Variants in COL24A1 observed in about 807,000 individuals in gnomAD.
COL24A1 encodes collagen type XXIV alpha 1 chain.
A neutral mutation model predicts 253.9 loss-of-function variants in COL24A1; 224 were observed. That is an observed-to-expected ratio of 0.88 (90% CI 0.79 to 0.99). The LOEUF (loss-of-function observed/expected upper bound fraction) is 0.99. Among genes scored for constraint, COL24A1 ranks in the 50% least tolerant of loss-of-function variants. COL24A1 has a pLI of 0.00. For missense variants in COL24A1, 2,131 were observed against 2,068.5 expected (o/e 1.03, Z -0.59); for synonymous variants, 685 against 673.7 (o/e 1.02, Z -0.26).
At chr1:86,019,207 G>T (rs1571619837) in intron 18 of COL24A1, among the ~76,000 whole-genome samples, 1 of 152,064 alleles carries the variant, frequency 6.6e-6, no homozygotes, top group African/African-American at 2.4e-5. Context: ...TCAAACAAGT[G>T]TCTCCTTCTA....
At chr1:85,912,860 A>C (rs1278518529) in intron 24 of COL24A1, among the ~76,000 whole-genome samples, 1 of 152,248 alleles carries the variant, frequency 6.6e-6, no homozygotes, top group Non-Finnish European at 1.5e-5. Context: ...AGAATGTAAA[A>C]TAGCTAACTA....
chr1:85,865,642 T>G (rs1570977360), intron 37 of COL24A1, among the ~76,000 whole-genome samples: 1 of 152,338 alleles, frequency 6.6e-6, no homozygotes, highest in Admixed American at 6.5e-5. Context: ...AGACTTTCCC[T>G]TTTCTTAATT....
At chr1:85,946,804 T>G (rs1689363870) in intron 24 of COL24A1, among the ~76,000 whole-genome samples, 1 of 152,248 alleles carries the variant, frequency 6.6e-6, no homozygotes, top group Admixed American at 6.5e-5. Flanking sequence ...GCACCTCATT[T>G]TTATATGGCA....
intron 7 of COL24A1, among the ~76,000 whole-genome samples, chr1:86,077,110 A>T (rs1389704364): frequency 6.6e-6 from 1 of 152,246 alleles, no homozygotes; most frequent in Non-Finnish European, 1.5e-5. Context: ...AAGGGCTAAT[A>T]TCCAGAATCT....
At chr1:86,030,267 G>A (rs1405069686) in intron 14 of COL24A1, 1 of 152,348 alleles carries the variant, frequency 6.6e-6, no homozygotes, top group South Asian at 2.1e-4. Context: ...CCACTCTGAG[G>A]CTTTGTAACA....
intron 24 of COL24A1, among the ~76,000 whole-genome samples, chr1:85,941,264 G>T (rs1338808491): frequency 2.0e-5 from 3 of 151,994 alleles, no homozygotes; most frequent in African/African-American, 7.3e-5. Flanking sequence ...GTTTTCTGAG[G>T]ATTATATCTA....
chr1:85,818,025 GT>G lies in COL24A1; in HGVS notation c.3843+8del. 1 of 1,612,666 alleles carries G rather than the reference GT, an allele frequency of 6.2e-7. No individual in the cohort carries two copies. The highest frequency in any genetic ancestry group is 8.5e-7 in the Non-Finnish European group (1 of 1,178,836). ...AAAGCAAGAAAGATGAAAGAGGCCT[GT>G]TACTTACAGGAATCCCAGGTTTCCC... On this transcript the variant is annotated splice_region_variant and intron_variant, in intron 46 of 59. Coordinates refer to ENST00000370571, the MANE Select transcript of COL24A1 (RefSeq NM_152890.7).
At chr1:85,971,957 T>C (rs1053076772) in intron 20 of COL24A1, among the ~76,000 whole-genome samples, 1 of 152,174 alleles carries the variant, frequency 6.6e-6, no homozygotes. Flanking sequence ...GAAATTTCAA[T>C]ACTAAAAAAG....
At chr1:86,150,018 C>CT (rs1231863253) in intron 1 of COL24A1, among the ~76,000 whole-genome samples, 3 of 152,054 alleles carry the variant, frequency 2.0e-5, no homozygotes, top group Admixed American at 2.0e-4. Context: ...CTTCAATTTC[C>CT]TTTTTTAGCA....
At chr1:86,155,641 C>T (rs1222939363) in intron 1 of COL24A1, 1 of 152,476 alleles carries the variant, frequency 6.6e-6, no homozygotes, top group Non-Finnish European at 1.5e-5. Flanking sequence ...AGGCCCGCCC[C>T]CGTGTCCTGC....
chr1:86,137,891 C>A (rs998494700), intron 2 of COL24A1, among the ~76,000 whole-genome samples: 3 of 152,174 alleles, frequency 2.0e-5, no homozygotes, highest in Admixed American at 6.5e-5. Flanking sequence ...GCAGAACAAT[C>A]TTTTCATAGT....
intron 14 of COL24A1, among the ~76,000 whole-genome samples, chr1:86,027,410 G>C (rs543959159): frequency 2.6e-5 from 4 of 152,188 alleles, no homozygotes; most frequent in African/African-American, 9.7e-5. Flanking sequence ...CTAGAGCCTT[G>C]CTGCTTTGTG....
At chr1:86,090,041 A>G (rs1243289566) in intron 6 of COL24A1, among the ~76,000 whole-genome samples, 2 of 152,148 alleles carry the variant, frequency 1.3e-5, no homozygotes, top group Non-Finnish European at 2.9e-5. Context: ...GGTGCCTTCC[A>G]TCCTGCGTGC....
rs558043770 is a variant in COL24A1, at chr1:86,136,238, C to T, written c.121+9881G>A. On this transcript the variant is annotated intron_variant, in intron 2 of 59. Coordinates refer to ENST00000370571, the MANE Select transcript of COL24A1 (RefSeq NM_152890.7). ...TATCTGTGCTTATTTATTATACTTTCCCCTTGGCAGCTTCTGCCTTCCCCA... is the reference window on the plus strand; with the variant it reads ...TATCTGTGCTTATTTATTATACTTTTCCCTTGGCAGCTTCTGCCTTCCCCA... Among the ~76,000 whole-genome samples the T allele has an allele frequency of 3.4e-4, 52 of 152,140 alleles. 1 individual carries two copies. Among genetic ancestry groups the T allele is most frequent in the Middle Eastern group, 6.8e-3 (2 of 294 alleles).
At chr1:86,008,993 C>T (rs763917733) in intron 19 of COL24A1, among the ~76,000 whole-genome samples, 4 of 151,964 alleles carry the variant, frequency 2.6e-5, no homozygotes, top group South Asian at 2.1e-4. Context: ...GAAAGACAAC[C>T]GTTGTTGTTG....
chr1:86,129,125 T>C (rs1179489759), intron 2 of COL24A1, among the ~76,000 whole-genome samples: 1 of 151,878 alleles, frequency 6.6e-6, no homozygotes, highest in African/African-American at 2.4e-5. Flanking sequence ...TCTATGTTAA[T>C]TGATTTAGTC....
chr1:86,154,572 A>G (rs1421834749), intron 1 of COL24A1: 1 of 152,640 alleles, frequency 6.6e-6, no homozygotes, highest in African/African-American at 2.4e-5. Context: ...CCCTCCCCCC[A>G]AATCATCTGG....
chr1:85,923,385 TCA>T lies in COL24A1; in HGVS notation c.2563-11954_2563-11953del, dbSNP rs1192783383. 2.0e-5 allele frequency among the ~76,000 whole-genome samples: 3 copies of T among 152,056 alleles called. No homozygotes were observed. In the East Asian group the frequency reaches 5.8e-4, roughly 29 times the overall value. ...AATATACAGCCTTCTCAGCAACACA[TCA>T]CACTTATTCCAAAATTGACCACATA... On this transcript the variant is annotated intron_variant, in intron 24 of 59. Transcript: ENST00000370571.
intron 12 of COL24A1, among the ~76,000 whole-genome samples, chr1:86,035,807 A>C (rs1275185240): frequency 6.6e-6 from 1 of 152,140 alleles, no homozygotes; most frequent in Non-Finnish European, 1.5e-5. Context: ...GAATTCACTC[A>C]GGATTGCCTA....
Sources: gnomAD v4.1 joint callset for allele counts (sites outside exome capture counted in the v4.1 genomes callset) on GRCh38, gnomAD v4.1.1 for gene constraint, MANE v1.5 for transcripts, NCBI Gene and HGNC (gene_info 2026-07-23, HGNC 2026-07-21) for gene names.